CSMD1: variants seen among roughly 807,000 people sequenced by gnomAD.
CSMD1 encodes the protein CUB and Sushi multiple domains 1, also known as CUB and sushi domain-containing protein 1.
Under a neutral mutation model 417.5 loss-of-function variants are expected in CSMD1, and 213 were observed. The ratio of observed to expected loss-of-function variants is 0.51; its 90% CI spans 0.46 to 0.57. The LOEUF is 0.57. Ranked by LOEUF, CSMD1 falls within the 20% of genes least tolerant of loss-of-function variation. CSMD1 has a pLI of 0.00. For synonymous variants in CSMD1, 2,862 were observed against 1,736.8 expected (o/e 1.65, Z -16.11); for missense variants, 6,923 against 4,529.7 (o/e 1.53, Z -15.17).
chr8:4,715,590 A>C lies in CSMD1; in HGVS notation c.86-78032T>G, dbSNP rs1808601762. ...GAACTTCTCTGCGGATGCCTCACTG[A>C]CATCCAAAATTTAACGTGAACAAAA... On this transcript the variant is annotated intron_variant, in intron 1 of 69. Transcript: ENST00000635120. Among the ~76,000 whole-genome samples, 4 of 152,164 alleles carry C rather than the reference A, an allele frequency of 2.6e-5. No individual in the cohort carries two copies. The South Asian group carries it at 8.3e-4, about 32-fold the overall frequency.
At chr8:4,474,082 T>C (rs565927561) in intron 2 of CSMD1, among the ~76,000 whole-genome samples, 4 of 152,276 alleles carry the variant, frequency 2.6e-5, no homozygotes, top group Non-Finnish European at 4.4e-5. Flanking sequence ...TGTATGCAAT[T>C]ACAATCTAAA....
intron 12 of CSMD1, among the ~76,000 whole-genome samples, chr8:3,453,286 AAGGG>A (rs1411434896): frequency 1.3e-5 from 2 of 151,508 alleles, no homozygotes; most frequent in African/African-American, 4.8e-5. Flanking sequence ...ATTTTTTTTG[AAGGG>A]TTTTTTGTGT....
chr8:3,249,027 G>A (rs753274150), intron 26 of CSMD1, among the ~76,000 whole-genome samples: 16 of 152,096 alleles, frequency 1.1e-4, no homozygotes, highest in Non-Finnish European at 2.2e-4. Context: ...TGTCCTGCTC[G>A]TTGATAAACC....
chr8:4,741,497 G>A (rs1325581803), intron 1 of CSMD1, among the ~76,000 whole-genome samples: 1 of 152,074 alleles, frequency 6.6e-6, no homozygotes, highest in Non-Finnish European at 1.5e-5. Flanking sequence ...TATTATAGTA[G>A]AATCCGTAAG....
In CSMD1 at chr8:4,778,395, A is replaced by T. The variant is rs1461730003; in HGVS notation, c.86-140837T>A. ...ACTTGATTTTCTTCTCATTCCTTTC[A>T]ATTTATTGATTCTAGAGCTCCGGTG... On this transcript the variant is annotated intron_variant, in intron 1 of 69. Transcript: ENST00000635120. Among the ~76,000 whole-genome samples, 4 of 152,072 alleles carry T rather than the reference A, an allele frequency of 2.6e-5. No homozygotes were observed. The South Asian group carries it at 8.3e-4, about 32-fold the overall frequency.
chr8:4,600,493 T>C (rs1263970858), intron 2 of CSMD1, among the ~76,000 whole-genome samples: 2 of 151,542 alleles, frequency 1.3e-5, no homozygotes, highest in African/African-American at 2.5e-5. Flanking sequence ...TATAATAGGC[T>C]AAATAAATAT....
rs569309764 is a variant in CSMD1 at position 2,957,445 on chromosome 8, C to T, written c.9814+251G>A. Among the ~76,000 whole-genome samples the T allele has an allele frequency of 5.3e-4, 81 of 152,288 alleles. 1 individual carries two copies. Among genetic ancestry groups the T allele is most frequent in the African/African-American group, 1.9e-3 (79 of 41,564 alleles). On this transcript the variant is annotated intron_variant, in intron 63 of 69. Transcript: ENST00000635120. ...CTTGTTAAACTAAACTGTCCCCCTT[C>T]TCTCCTCCCTGGCTCCCTCCAGAGG...
chr8:3,611,147 G>A (rs1282702529), intron 8 of CSMD1, among the ~76,000 whole-genome samples: 1 of 151,186 alleles, frequency 6.6e-6, no homozygotes, highest in African/African-American at 2.4e-5. Context: ...ACGAGTTAAT[G>A]GCTGCAGCAC....
intron 26 of CSMD1, among the ~76,000 whole-genome samples, chr8:3,264,073 T>G (rs933448344): frequency 9.9e-5 from 15 of 152,214 alleles, no homozygotes; most frequent in Non-Finnish European, 1.8e-4. Context: ...ATTCAAACTT[T>G]ATTTCCCAGA....
chr8:4,269,490 T>C (rs945234922), intron 3 of CSMD1, among the ~76,000 whole-genome samples: 2 of 152,204 alleles, frequency 1.3e-5, no homozygotes, highest in South Asian at 2.1e-4. Flanking sequence ...TTTGACTTTT[T>C]TGAATATGGG....
At chr8:4,024,323 G>C (rs1433290918) in intron 4 of CSMD1, among the ~76,000 whole-genome samples, 3 of 152,150 alleles carry the variant, frequency 2.0e-5, no homozygotes, top group Non-Finnish European at 2.9e-5. Context: ...AGACAATAAT[G>C]ACAGAAAACC....
At chr8:3,868,929 C>T (rs1436966731) in intron 5 of CSMD1, among the ~76,000 whole-genome samples, 1 of 152,166 alleles carries the variant, frequency 6.6e-6, no homozygotes, top group Non-Finnish European at 1.5e-5. Context: ...GGCTAACACC[C>T]CAGAGCCAAA....
rs762477333 is a variant in CSMD1, at chr8:3,616,717, C to T, written c.1090G>A (p.Asp364Asn). ...CACTATTGTATCTCTTACCTGAAGT[C>T]GGAACCTGCTCTTCTACCATTTTCT... Reference protein sequence around the residue: ...IPENGRRAGSDFRVGANVQFS... With the variant: ...IPENGRRAGSNFRVGANVQFS... The change falls in exon 8 of 70, where the codon GAC becomes AAC. Residue 364 changes from aspartate to asparagine, a missense_variant. Physicochemically the swap from Asp to Asn is conservative, Grantham distance 23 (BLOSUM62 1). Coordinates refer to ENST00000635120, the MANE Select transcript of CSMD1 (RefSeq NM_033225.6). The T allele has an allele frequency of 3.1e-5, 50 of 1,606,956 alleles. No homozygotes were observed. Among genetic ancestry groups the T allele is most frequent in the East Asian group, 4.5e-5 (2 of 44,786 alleles).
At chr8:4,190,065 T>G (rs1016848261) in intron 3 of CSMD1, among the ~76,000 whole-genome samples, 3 of 151,784 alleles carry the variant, frequency 2.0e-5, no homozygotes, top group Non-Finnish European at 2.9e-5. Context: ...GAGACCATCC[T>G]GGCTAACATG....
At chr8:3,263,094 T>A (rs1801195968) in intron 26 of CSMD1, among the ~76,000 whole-genome samples, 1 of 152,214 alleles carries the variant, frequency 6.6e-6, no homozygotes, top group African/African-American at 2.4e-5. Flanking sequence ...TGTTTTCTCT[T>A]GCATCATCAA....
chr8:4,757,754 T>A (rs1811757829), intron 1 of CSMD1, among the ~76,000 whole-genome samples: 2 of 150,808 alleles, frequency 1.3e-5, no homozygotes, highest in South Asian at 4.2e-4. Context: ...AGGCCAGGAG[T>A]TTGAGACAAG....
intron 2 of CSMD1, among the ~76,000 whole-genome samples, chr8:4,436,711 C>G (rs536591087): frequency 6.6e-6 from 1 of 152,100 alleles, no homozygotes; most frequent in African/African-American, 2.4e-5. Context: ...ATCCTACTCC[C>G]TATGTCCATG....
At chr8:3,302,889 G>T (rs772012171) in intron 25 of CSMD1, among the ~76,000 whole-genome samples, 16 of 152,184 alleles carry the variant, frequency 1.1e-4, no homozygotes, top group Admixed American at 3.3e-4. Flanking sequence ...TTTGCAAAGT[G>T]AGTGGGGTTG....
At chr8:3,533,380 C>T (rs780425883) in intron 10 of CSMD1, among the ~76,000 whole-genome samples, 8 of 152,188 alleles carry the variant, frequency 5.3e-5, no homozygotes, top group Non-Finnish European at 1.5e-5. Context: ...ACTCCTTGAA[C>T]AGTGACTCCT....
Sources: gnomAD v4.1 joint callset for allele counts (sites outside exome capture counted in the v4.1 genomes callset) on GRCh38, gnomAD v4.1.1 for gene constraint, MANE v1.5 for transcripts, NCBI Gene and HGNC (gene_info 2026-07-23, HGNC 2026-07-21) for gene names.